NEK5: variants seen among roughly 807,000 people sequenced by gnomAD.
The protein encoded by NEK5 is serine/threonine-protein kinase Nek5.
NEK5 carries 88 observed loss-of-function variants against 109.2 expected under a neutral mutation model. The observed-to-expected ratio is 0.81, with a 90% CI of 0.68 to 0.96. NEK5 has a LOEUF of 0.96. Among genes scored for constraint, NEK5 ranks in the 40% least tolerant of loss-of-function variants. The probability of loss-of-function intolerance (pLI) is 0.00; values close to 1 mark genes in which losing one functional copy is unlikely to be tolerated. For synonymous variants in NEK5, 283 were observed against 299.9 expected, an observed-to-expected ratio of 0.94 and a Z score of 0.58; for missense variants, 834 against 920.7, an observed-to-expected ratio of 0.91 and a Z score of 1.22.
rs1954342024 is a variant in NEK5 at position 52,034,684 on chromosome 13, A to G, written c.*2264T>C. The G allele has an allele frequency of 7.0e-6, 1 of 142,128 alleles. No individual in the cohort carries two copies. The highest frequency in any genetic ancestry group is 7.2e-5 in the Admixed American group (1 of 13,896). The allele number at this position is 142,128 out of a possible 1,614,324, so 8.8% of individuals were successfully genotyped here. A position where few individuals can be genotyped will look rare whatever the true frequency, so the allele number is the denominator to read the frequency against. On this transcript the variant is annotated 3_prime_UTR_variant, in exon 24 of 24. Transcript: ENST00000684899. The stretch of plus-strand genomic sequence containing the variant: ...TGGGACCAGAGGTGCACACCAACAC[A>G]CCAGCTAATTCTTTTTTTTTTTTTT...
Position 52,110,275 on chromosome 13 carries a change from G to T in NEK5, c.467+65C>A, listed in dbSNP as rs188051514. The T allele has an allele frequency of 1.4e-4, 148 of 1,032,404 alleles. No homozygotes were observed. The African/African-American group carries it at 2.2e-3, about 15-fold the overall frequency. 64.0% of individuals were successfully genotyped at this position (1,032,404 alleles called of 1,614,324 possible). On this transcript the variant is annotated intron_variant, in intron 7 of 23. Coordinates refer to ENST00000684899, the MANE Select transcript of NEK5 (RefSeq NM_001365552.1). ...AGATTTTAATATCTTCTTAATCCAT[G>T]ATATCTAAAAATACATATTTGGGCT... is the stretch of plus-strand genomic sequence containing the variant.
chr13:52,096,639 C>T (rs1286033946), intron 12 of NEK5, among the ~76,000 whole-genome samples: 2 of 151,998 alleles, frequency 1.3e-5, no homozygotes, highest in East Asian at 3.8e-4. Context: ...GCTCTAGCAC[C>T]CTATGGTCAT....
In NEK5 at chr13:52,093,090, C is replaced by T; in HGVS notation, c.1172G>A (p.Gly391Asp). Residue 391 changes from glycine (G) to aspartate (D), a missense_variant, in exon 13 of 24, where the codon GGT (glycine) becomes GAT (aspartate). Physicochemically the swap from Gly to Asp is moderately conservative, Grantham distance 94. Around this residue, in one of 2 missense-constraint regions of NEK5, gnomAD observed 777 missense variants for 824.7 expected, o/e 0.94. Coordinates refer to ENST00000684899, the MANE Select transcript of NEK5 (RefSeq NM_001365552.1). ...PQENTGVEDY[G>D]QETRHGPSPS... is the part of the protein sequence containing the mutation. Reference sequence around the variant, plus strand: ...GGATGGACCATGCCTCGTTTCCTGACCGTAATCCTCAACTCCAGTATTTTC... The same window carrying T: ...GGATGGACCATGCCTCGTTTCCTGATCGTAATCCTCAACTCCAGTATTTTC... 6.2e-7 allele frequency: 1 copy of T among 1,613,634 alleles called. No homozygotes were observed. The highest frequency in any genetic ancestry group is 8.5e-7 in the Non-Finnish European group (1 of 1,179,654).
intron 19 of NEK5, among the ~76,000 whole-genome samples, chr13:52,072,638 C>A (rs1196033729): frequency 2.6e-5 from 4 of 152,192 alleles, no homozygotes. Flanking sequence ...CAGATCTGCT[C>A]CACTCTGATG....
intron 5 of NEK5, among the ~76,000 whole-genome samples, chr13:52,111,185 T>C (rs1437599124): frequency 6.6e-6 from 1 of 152,232 alleles, no homozygotes; most frequent in Non-Finnish European, 1.5e-5. Flanking sequence ...GTTCTATGCC[T>C]ACAGAGATTT....
Position 52,110,418 on chromosome 13 carries a change from T to C in NEK5, c.397-8A>G. ...CTTGCTAAGAAAAATGTTCTATAAA[T>C]GGAGAAAATGTCATGTTGTTTGAGG... On this transcript the variant is annotated splice_polypyrimidine_tract_variant and splice_region_variant and intron_variant, in intron 6 of 23. Transcript: ENST00000684899. 6.2e-7 allele frequency: 1 copy of C among 1,612,144 alleles called. No homozygotes were observed. The highest frequency in any genetic ancestry group is 8.5e-7 in the Non-Finnish European group (1 of 1,178,280).
chr13:52,073,736 G>A (rs899280668), intron 19 of NEK5, among the ~76,000 whole-genome samples: 4 of 151,956 alleles, frequency 2.6e-5, no homozygotes, highest in Admixed American at 6.6e-5. Context: ...CCAAAGACTC[G>A]ACCCAAAGGT....
At chr13:52,082,915 G>A (rs1289688876) in intron 17 of NEK5, among the ~76,000 whole-genome samples, 2 of 152,154 alleles carry the variant, frequency 1.3e-5, no homozygotes, top group Admixed American at 6.5e-5. Flanking sequence ...TTAGGAGGCC[G>A]AGGCTGGTGG....
At chr13:52,112,219 C>T (rs769246746) in intron 5 of NEK5, 49 bp downstream of exon 5, 34 of 943,492 alleles carry the variant, frequency 3.6e-5, no homozygotes, top group Middle Eastern at 4.5e-4. Flanking sequence ...ATTTAATTCT[C>T]CCCCCACCAC....
chr13:52,075,460 T>C (rs1263290793), intron 19 of NEK5, among the ~76,000 whole-genome samples: 4 of 151,922 alleles, frequency 2.6e-5, no homozygotes, highest in African/African-American at 7.3e-5. Flanking sequence ...GACATAAAGA[T>C]AGCAACAATA....
chr13:52,055,921 T>G (rs1325436426), intron 22 of NEK5, among the ~76,000 whole-genome samples: 1 of 150,934 alleles, frequency 6.6e-6, no homozygotes, highest in Non-Finnish European at 1.5e-5. Context: ...AACATCATAA[T>G]GACAGGATCA....
Position 52,063,411 on chromosome 13 carries a change from C to T in NEK5, c.1976-1458G>A, listed in dbSNP as rs373243623. 7.2e-3 allele frequency among the ~76,000 whole-genome samples: 1,103 copies of T among 152,318 alleles called. 3 individuals carry two copies. The highest frequency in any genetic ancestry group is 0.012 in the African/African-American group (484 of 41,560). ...CCAGGCTGGAGTGCAGTGGCGTGAT[C>T]GCGGCTCGCTACAACCTCCACCTCC... On this transcript the variant is annotated intron_variant, in intron 21 of 23. Transcript: ENST00000684899.
Position 52,034,973 on chromosome 13 carries a change from C to T in NEK5, c.*1975G>A, listed in dbSNP as rs1315620975. 1 of 140,674 alleles carries T rather than the reference C, an allele frequency of 7.1e-6. No individual in the cohort carries two copies. The highest frequency in any genetic ancestry group is 2.3e-4 in the East Asian group (1 of 4,340). 8.7% of individuals were successfully genotyped at this position (140,674 alleles called of 1,614,324 possible). ...GTTTCATTTCCCTTGCTTTCAAATA[C>T]AGTTCAGAATAAGGATTACATGAAG... On this transcript the variant is annotated 3_prime_UTR_variant, in exon 24 of 24. Coordinates refer to ENST00000684899, the MANE Select transcript of NEK5 (RefSeq NM_001365552.1).
At chr13:52,072,145 C>A in intron 19 of NEK5, 75 bp from the exon 20 acceptor site, 1 of 1,220,106 alleles carries the variant, frequency 8.2e-7, no homozygotes, top group Non-Finnish European at 1.2e-6. Context: ...TTTCGTGTTC[C>A]TAGTAAAATT....
intron 22 of NEK5, among the ~76,000 whole-genome samples, chr13:52,057,958 G>A (rs1271856622): frequency 6.6e-6 from 1 of 151,766 alleles, no homozygotes; most frequent in African/African-American, 2.4e-5. Context: ...CCAGGGCAAT[G>A]AGGCAGGAGA....
At chr13:52,101,240 A>C (rs1228995912) in intron 11 of NEK5, among the ~76,000 whole-genome samples, 7 of 152,132 alleles carry the variant, frequency 4.6e-5, no homozygotes, top group Admixed American at 4.6e-4. Flanking sequence ...CTACTAAAAA[A>C]ATACAAAAAA....
chr13:52,108,223 G>A, intron 8 of NEK5, 95 bp downstream of exon 8: 1 of 746,410 alleles, frequency 1.3e-6, no homozygotes, highest in Non-Finnish European at 2.3e-6. Flanking sequence ...CCATAAGAAA[G>A]AAAGAAGAGA....
intron 23 of NEK5, among the ~76,000 whole-genome samples, chr13:52,046,722 C>A (rs1170701595): frequency 1.3e-5 from 2 of 150,778 alleles, no homozygotes; most frequent in Admixed American, 6.6e-5. Context: ...TAGACGGACA[C>A]CCTGTCTCAA....
chr13:52,078,804 C>T (rs1471359793), intron 17 of NEK5, among the ~76,000 whole-genome samples: 1 of 152,106 alleles, frequency 6.6e-6, no homozygotes, highest in Non-Finnish European at 1.5e-5. Context: ...GAATGTCCCA[C>T]CCACTGGAGT....
Sources: gnomAD v4.1 joint callset for allele counts (sites outside exome capture counted in the v4.1 genomes callset) on GRCh38, gnomAD v4.1.1 for gene constraint, gnomAD v4.1.1 regional missense constraint, MANE v1.5 for transcripts, NCBI Gene and HGNC (gene_info 2026-07-23, HGNC 2026-07-21) for gene names.